The following CDKAL1 variants were observed in gnomAD, a reference collection of about 807,000 sequenced individuals.
CDKAL1 encodes the protein threonylcarbamoyladenosine tRNA methylthiotransferase.
In CDKAL1, 32 loss-of-function variants were observed where a neutral mutation model predicts 68.2. The observed-to-expected ratio is 0.47, with a 90% confidence interval of 0.35 to 0.63. The LOEUF is 0.63. Among genes scored for constraint, CDKAL1 ranks in the 30% least tolerant of loss-of-function variants. The probability of loss-of-function intolerance (pLI) is 0.00; values close to 1 mark genes in which losing one functional copy is unlikely to be tolerated. For missense variants in CDKAL1, 606 were observed against 696.7 expected (o/e 0.87, Z 1.47); for synonymous variants, 234 against 244.3 (o/e 0.96, Z 0.39).
At chr6:21,052,959 AT>A (rs924547377) in intron 11 of CDKAL1, among the ~76,000 whole-genome samples, 32 of 151,564 alleles carry the variant, frequency 2.1e-4, no homozygotes, top group Admixed American at 5.3e-4. Context: ...TCAGAAAGGT[AT>A]TTTTTTTTCA....
intron 5 of CDKAL1, among the ~76,000 whole-genome samples, chr6:20,653,511 G>A (rs892490438): frequency 6.6e-6 from 1 of 152,086 alleles, no homozygotes; most frequent in Non-Finnish European, 1.5e-5. Context: ...AAGTGCAGTG[G>A]CAGGATCTCG....
intron 12 of CDKAL1, among the ~76,000 whole-genome samples, chr6:21,101,395 G>A (rs901667951): frequency 3.3e-5 from 5 of 152,134 alleles, no homozygotes; most frequent in African/African-American, 1.2e-4. Context: ...TTAAAGATTC[G>A]CTAATAGTTC....
intron 13 of CDKAL1, among the ~76,000 whole-genome samples, chr6:21,184,490 A>T (rs1258068248): frequency 6.6e-6 from 1 of 152,038 alleles, no homozygotes; most frequent in Non-Finnish European, 1.5e-5. Flanking sequence ...GCCACCACGC[A>T]GAAACCAGCT....
chr6:21,204,790 TGTG>T (rs1778832044), intron 15 of CDKAL1, among the ~76,000 whole-genome samples: 1 of 152,224 alleles, frequency 6.6e-6, no homozygotes, highest in African/African-American at 2.4e-5. Flanking sequence ...GTGTTTTAAT[TGTG>T]GTAAAATATA....
chr6:21,161,263 C>T (rs752700241), intron 13 of CDKAL1, among the ~76,000 whole-genome samples: 4 of 152,038 alleles, frequency 2.6e-5, no homozygotes, highest in Admixed American at 6.5e-5. Context: ...ATGAGATTGA[C>T]GTTATCAGAA....
intron 4 of CDKAL1, among the ~76,000 whole-genome samples, chr6:20,640,444 G>A (rs372594995): frequency 1.3e-5 from 2 of 152,106 alleles, no homozygotes; most frequent in Non-Finnish European, 2.9e-5. Flanking sequence ...CAGGGGGAAG[G>A]GCAGATTCGT....
At chr6:20,869,060 A>C (rs1275236676) in intron 9 of CDKAL1, among the ~76,000 whole-genome samples, 1 of 152,136 alleles carries the variant, frequency 6.6e-6, no homozygotes, top group Non-Finnish European at 1.5e-5. Flanking sequence ...TTTCTCATTA[A>C]TTCTTCTGTC....
intron 9 of CDKAL1, among the ~76,000 whole-genome samples, chr6:20,860,105 T>C (rs78563792): frequency 0.012 from 1,778 of 152,228 alleles, 34 homozygotes; most frequent in African/African-American, 0.039. Flanking sequence ...TGAGATGGAG[T>C]CTCGCTTTGT....
chr6:21,176,095 G>A (rs1200933065), intron 13 of CDKAL1, among the ~76,000 whole-genome samples: 1 of 152,220 alleles, frequency 6.6e-6, no homozygotes, highest in African/African-American at 2.4e-5. Flanking sequence ...TATTGAACTG[G>A]CTAATATTTG....
chr6:21,006,564 C>G (rs562919089), intron 11 of CDKAL1, among the ~76,000 whole-genome samples: 2 of 152,188 alleles, frequency 1.3e-5, no homozygotes, highest in Non-Finnish European at 2.9e-5. Flanking sequence ...CTTTTCCCTT[C>G]TCTCCATTGC....
intron 11 of CDKAL1, among the ~76,000 whole-genome samples, chr6:21,043,178 T>C (rs576090508): frequency 1.3e-5 from 2 of 152,322 alleles, no homozygotes; most frequent in South Asian, 4.1e-4. Context: ...TTATTGTCTT[T>C]AGCACATAGC....
intron 9 of CDKAL1, among the ~76,000 whole-genome samples, chr6:20,849,914 CT>C (rs1046948678): frequency 1.3e-5 from 2 of 151,998 alleles, no homozygotes; most frequent in African/African-American, 4.8e-5. Flanking sequence ...GTAGCATTGT[CT>C]TTTTTCTGCA....
At chr6:20,993,837 C>T (rs1766965698) in intron 10 of CDKAL1, among the ~76,000 whole-genome samples, 1 of 152,172 alleles carries the variant, frequency 6.6e-6, no homozygotes, top group African/African-American at 2.4e-5. Context: ...CAGATGGAAA[C>T]ACTGTTTTTT....
At chr6:20,671,918 A>G (rs1769835538) in intron 5 of CDKAL1, among the ~76,000 whole-genome samples, 1 of 151,978 alleles carries the variant, frequency 6.6e-6, no homozygotes, top group African/African-American at 2.4e-5. Flanking sequence ...CACTAGCACT[A>G]TTTACTAAAA....
chr6:20,981,244 TTTTTAG>T (rs1202752300), intron 10 of CDKAL1, among the ~76,000 whole-genome samples: 2 of 152,184 alleles, frequency 1.3e-5, no homozygotes, highest in Non-Finnish European at 1.5e-5. Context: ...ATTCCATTTG[TTTTTAG>T]TTTTAATGAG....
At chr6:20,855,396 T>A (rs113131372) in intron 9 of CDKAL1, among the ~76,000 whole-genome samples, 1 of 118,702 alleles carries the variant, frequency 8.4e-6, no homozygotes, top group Non-Finnish European at 1.6e-5. Flanking sequence ...GGAGCCAAGA[T>A]AGCACCATGG....
At chr6:20,619,604 A>T (rs1561972481) in intron 4 of CDKAL1, among the ~76,000 whole-genome samples, 2 of 152,186 alleles carry the variant, frequency 1.3e-5, no homozygotes, top group Non-Finnish European at 2.9e-5. Flanking sequence ...GATTTTGGTT[A>T]TCATTTGTAT....
chr6:20,713,420 T>C (rs1771940488), intron 5 of CDKAL1, among the ~76,000 whole-genome samples: 1 of 152,218 alleles, frequency 6.6e-6, no homozygotes, highest in South Asian at 2.1e-4. Flanking sequence ...GTACATGATG[T>C]AAATCATTCT....
chr6:21,030,025 C>T (rs1203825362), intron 11 of CDKAL1, among the ~76,000 whole-genome samples: 4 of 152,100 alleles, frequency 2.6e-5, no homozygotes, highest in African/African-American at 4.8e-5. Context: ...CAAATGGCCA[C>T]ATATACTTAT....
Sources: gnomAD v4.1 joint callset for allele counts (sites outside exome capture counted in the v4.1 genomes callset) on GRCh38, gnomAD v4.1.1 for gene constraint, MANE v1.5 for transcripts, NCBI Gene and HGNC (gene_info 2026-07-23, HGNC 2026-07-21) for gene names.